CERKL: variants seen among roughly 807,000 people sequenced by gnomAD.
CERKL encodes the protein CERK like autophagy regulator, also known as ceramide kinase-like protein.
CERKL carries 61 observed loss-of-function variants against 63.4 expected under a neutral mutation model. The ratio of observed to expected loss-of-function variants is 0.96; its 90% confidence interval spans 0.78 to 1.19. CERKL has a LOEUF of 1.19. Among genes scored for constraint, CERKL ranks in the 50% most tolerant of loss-of-function variants. The pLI, the probability that CERKL is intolerant of heterozygous loss-of-function variation, is 0.00. For synonymous variants in CERKL, 250 were observed against 230.5 expected (o/e 1.08, Z -0.77); for missense variants, 675 against 655.5 (o/e 1.03, Z -0.33).
At chr2:181,591,884 C>A (rs1574478815) in intron 2 of CERKL, among the ~76,000 whole-genome samples, 1 of 152,128 alleles carries the variant, frequency 6.6e-6, no homozygotes, top group African/African-American at 2.4e-5. Flanking sequence ...CTGTTCCCCA[C>A]CAAAATAAAC....
Position 181,538,105 on chromosome 2 carries a change from G to C in CERKL, c.*79C>G. 1.0e-6 allele frequency: 1 copy of C among 970,194 alleles called. No homozygotes were observed. The highest frequency in any genetic ancestry group is 1.3e-5 in the South Asian group (1 of 75,444). 60.1% of individuals were successfully genotyped at this position (970,194 alleles called of 1,614,324 possible). ...TGAAACTGGTCCCAAAAAGGGTGGGGACCACAGGTTTAAAGCATGGCCACA... is the reference window on the plus strand; with the variant it reads ...TGAAACTGGTCCCAAAAAGGGTGGGCACCACAGGTTTAAAGCATGGCCACA... On this transcript the variant is annotated 3_prime_UTR_variant, in exon 13 of 13. Coordinates refer to ENST00000410087, the MANE Select transcript of CERKL (RefSeq NM_201548.5).
At chr2:181,564,225 G>C (rs1222597276) in intron 4 of CERKL, among the ~76,000 whole-genome samples, 1 of 152,074 alleles carries the variant, frequency 6.6e-6, no homozygotes, top group African/African-American at 2.4e-5. Context: ...GTGCCTCCCA[G>C]TTCCTAAAAG....
intron 1 of CERKL, among the ~76,000 whole-genome samples, chr2:181,610,252 C>T (rs945397833): frequency 6.6e-6 from 1 of 152,076 alleles, no homozygotes; most frequent in African/African-American, 2.4e-5. Flanking sequence ...TGAAAAAGTT[C>T]AATCTAATTA....
rs1281192498 is a variant in CERKL, at chr2:181,537,559, A to T, written c.*625T>A. 1.4e-5 allele frequency: 6 copies of T among 438,896 alleles called. No individual in the cohort carries two copies. In the Admixed American group the frequency reaches 1.5e-4, roughly 11 times the overall value. 27.2% of individuals were successfully genotyped at this position (438,896 alleles called of 1,614,324 possible). On this transcript the variant is annotated 3_prime_UTR_variant, in exon 13 of 13. Coordinates refer to ENST00000410087, the MANE Select transcript of CERKL (RefSeq NM_201548.5). ...ACTGCTCTGGATTAGGGAGCAGTGA[A>T]TCAAGGCAGACTTATGAAATCTGTA...
intron 3 of CERKL, among the ~76,000 whole-genome samples, chr2:181,572,222 A>G (rs950326255): frequency 2.0e-5 from 3 of 151,986 alleles, no homozygotes; most frequent in Non-Finnish European, 4.4e-5. Flanking sequence ...GCTTTTCTTG[A>G]ATCTTCCGAT....
rs1688655748 is a variant in CERKL at position 181,566,106 on chromosome 2, C to T, written c.629G>A (p.Gly210Glu). 6.2e-7 allele frequency: 1 copy of T among 1,610,500 alleles called. No homozygotes were observed. The highest frequency in any genetic ancestry group is 2.2e-5 in the East Asian group (1 of 44,688). Residue 210 changes from glycine to glutamate, a missense_variant, in exon 4 of 13, where the codon GGG becomes GAG. Coordinates refer to ENST00000410087, the MANE Select transcript of CERKL (RefSeq NM_201548.5). The stretch of plus-strand genomic sequence containing the variant: ...TTCCTTAAGCAGTGACAGAGCGTGC[C>T]CTTCATATTCCATTACTATTAAAAA... ...KTDVTIMEYE[G>E]HALSLLKECE...
intron 2 of CERKL, among the ~76,000 whole-genome samples, chr2:181,590,772 C>T (rs1211916707): frequency 2.6e-5 from 4 of 152,180 alleles, no homozygotes; most frequent in Non-Finnish European, 5.9e-5. Flanking sequence ...GTACTTAAAA[C>T]ATACAATCTG....
intron 4 of CERKL, among the ~76,000 whole-genome samples, chr2:181,565,665 A>G (rs79315154): frequency 0.02 from 3,035 of 152,272 alleles, 80 homozygotes; most frequent in African/African-American, 0.067. Context: ...TAGCTATTAA[A>G]CCTATCAATT....
chr2:181,539,598 C>T (rs542294685), intron 11 of CERKL, among the ~76,000 whole-genome samples: 11 of 152,160 alleles, frequency 7.2e-5, no homozygotes, highest in African/African-American at 2.6e-4. Context: ...ACATATAATC[C>T]ATTATCAACT....
At chr2:181,612,542 T>C (rs1407180461) in intron 1 of CERKL, among the ~76,000 whole-genome samples, 1 of 152,100 alleles carries the variant, frequency 6.6e-6, no homozygotes, top group Non-Finnish European at 1.5e-5. Flanking sequence ...TACTCAACTT[T>C]AAGGTTTTTA....
chr2:181,600,136 T>C (rs1685396780), intron 2 of CERKL, among the ~76,000 whole-genome samples: 1 of 152,200 alleles, frequency 6.6e-6, no homozygotes, highest in African/African-American at 2.4e-5. Context: ...AATAAAGTCT[T>C]TCCCAGGCAA....
chr2:181,618,895 C>A (rs1686330122), intron 1 of CERKL, among the ~76,000 whole-genome samples: 1 of 152,108 alleles, frequency 6.6e-6, no homozygotes, highest in Non-Finnish European at 1.5e-5. Flanking sequence ...ACAGGCATAG[C>A]CTTATGAAAA....
intron 1 of CERKL, among the ~76,000 whole-genome samples, chr2:181,604,502 A>G (rs1281179161): frequency 2.6e-5 from 4 of 152,210 alleles, no homozygotes; most frequent in African/African-American, 9.7e-5. Flanking sequence ...GATTAAAAAT[A>G]GAATAAATGG....
chr2:181,644,503 AAC>A (rs1336477387), intron 1 of CERKL, among the ~76,000 whole-genome samples: 1 of 152,258 alleles, frequency 6.6e-6, no homozygotes, highest in Non-Finnish European at 1.5e-5. Context: ...CTCTTTCGTA[AAC>A]ACAGTTTATA....
At chr2:181,602,949 AAATTGCATTATATTTGTACTTATG>A (rs1482505831) in intron 2 of CERKL, 46 of 154,704 alleles carry the variant, frequency 3.0e-4, no homozygotes, top group Non-Finnish European at 2.6e-4. Context: ...CTAGAAATCC[AAATTGCATTATATTTGTACTTATG>A]AATTGCATTA....
intron 1 of CERKL, among the ~76,000 whole-genome samples, chr2:181,607,668 T>C (rs2105899946): frequency 6.6e-6 from 1 of 152,328 alleles, no homozygotes; most frequent in Non-Finnish European, 1.5e-5. Context: ...AGTAGGCTTA[T>C]GGCCAGGGTC....
At chr2:181,617,844 AGG>A (rs1249265543) in intron 1 of CERKL, among the ~76,000 whole-genome samples, 1 of 152,236 alleles carries the variant, frequency 6.6e-6, no homozygotes, top group Non-Finnish European at 1.5e-5. Flanking sequence ...ATAGTATCAA[AGG>A]ACAATATCCA....
chr2:181,559,461 T>A (rs186887275), intron 4 of CERKL, among the ~76,000 whole-genome samples: 1 of 152,214 alleles, frequency 6.6e-6, no homozygotes, highest in Admixed American at 6.5e-5. Flanking sequence ...GGAAAGTGGA[T>A]TTTGCCTCAG....
chr2:181,605,930 T>G (rs536427669), intron 1 of CERKL, among the ~76,000 whole-genome samples: 3 of 152,110 alleles, frequency 2.0e-5, no homozygotes, highest in African/African-American at 4.8e-5. Flanking sequence ...GCTTGCATTC[T>G]CAGGGGCATT....
Sources: allele counts gnomAD v4.1 joint callset (sites outside exome capture counted in the v4.1 genomes callset), GRCh38; gene constraint gnomAD v4.1.1; transcripts MANE v1.5; gene names NCBI Gene and HGNC (gene_info 2026-07-23, HGNC 2026-07-21).